PDSS2: variants seen among roughly 807,000 people sequenced by gnomAD.
PDSS2 encodes the protein decaprenyl diphosphate synthase subunit 2.
A neutral mutation model predicts 44.5 loss-of-function variants in PDSS2; 31 were observed. The ratio of observed to expected loss-of-function variants is 0.70; its 90% confidence interval spans 0.52 to 0.94. The LOEUF (loss-of-function observed/expected upper bound fraction) is 0.94. Ranked by LOEUF, PDSS2 falls within the 40% of genes least tolerant of loss-of-function variation. The pLI is 0.00. For missense variants in PDSS2, 452 were observed against 482.2 expected, an observed-to-expected ratio of 0.94 and a Z score of 0.59; for synonymous variants, 157 against 180.3, an observed-to-expected ratio of 0.87 and a Z score of 1.03.
intron 1 of PDSS2, among the ~76,000 whole-genome samples, chr6:107,359,636 A>G (rs923381523): frequency 6.6e-6 from 1 of 150,602 alleles, no homozygotes; most frequent in Non-Finnish European, 1.5e-5. Context: ...AAAAAAAAAA[A>G]AAAAGGGAGA....
At chr6:107,416,968 C>T (rs191119401) in intron 1 of PDSS2, among the ~76,000 whole-genome samples, 23 of 152,112 alleles carry the variant, frequency 1.5e-4, no homozygotes, top group African/African-American at 5.3e-4. Flanking sequence ...GTGACTCACA[C>T]CTGTATTCCT....
chr6:107,262,264 C>T (rs1775266718), intron 3 of PDSS2, among the ~76,000 whole-genome samples: 1 of 152,056 alleles, frequency 6.6e-6, no homozygotes, highest in South Asian at 2.1e-4. Context: ...GTTCACAACT[C>T]GGTTAATTTC....
chr6:107,212,653 A>C (rs1773260857), intron 4 of PDSS2, among the ~76,000 whole-genome samples: 1 of 152,142 alleles, frequency 6.6e-6, no homozygotes, highest in Admixed American at 6.5e-5. Flanking sequence ...ATTGCATTTA[A>C]TTTATGTGAA....
chr6:107,235,408 A>G (rs1774191713), intron 4 of PDSS2, among the ~76,000 whole-genome samples: 1 of 152,216 alleles, frequency 6.6e-6, no homozygotes, highest in Admixed American at 6.5e-5. Flanking sequence ...AAGTCAGAGT[A>G]AAAAATTTCA....
chr6:107,203,781 A>C (rs1772872816), intron 6 of PDSS2, among the ~76,000 whole-genome samples: 1 of 152,134 alleles, frequency 6.6e-6, no homozygotes, highest in African/African-American at 2.4e-5. Context: ...TTACCCCAGA[A>C]GGAGACCTGT....
At chr6:107,316,026 AAC>A (rs1351716833) in intron 2 of PDSS2, among the ~76,000 whole-genome samples, 2 of 152,250 alleles carry the variant, frequency 1.3e-5, no homozygotes, top group Non-Finnish European at 2.9e-5. Flanking sequence ...AAAGTTCTAG[AAC>A]AGTTTGGATC....
intron 6 of PDSS2, among the ~76,000 whole-genome samples, chr6:107,209,969 CTT>C (rs1224474258): frequency 7.8e-4 from 119 of 152,096 alleles, no homozygotes; most frequent in African/African-American, 2.6e-3. Context: ...CTTCGCCATG[CTT>C]TTTTCCCCCC....
At chr6:107,211,546 A>G (rs543116134) in intron 5 of PDSS2, among the ~76,000 whole-genome samples, 2 of 152,094 alleles carry the variant, frequency 1.3e-5, no homozygotes, top group Admixed American at 1.3e-4. Flanking sequence ...CCTGACCAAC[A>G]TGGTGAAACC....
chr6:107,323,822 A>T (rs902917555), intron 2 of PDSS2, among the ~76,000 whole-genome samples: 8 of 152,182 alleles, frequency 5.3e-5, no homozygotes, highest in African/African-American at 1.7e-4. Context: ...CTTTAAGGAA[A>T]GGATTTTAAA....
intron 4 of PDSS2, among the ~76,000 whole-genome samples, chr6:107,227,616 A>G (rs1773879501): frequency 6.6e-6 from 1 of 152,154 alleles, no homozygotes; most frequent in Admixed American, 6.5e-5. Context: ...AGTGCTCCAA[A>G]GAGAAATTCC....
intron 1 of PDSS2, among the ~76,000 whole-genome samples, chr6:107,416,206 C>CA (rs764693234): frequency 3.3e-5 from 5 of 151,974 alleles, no homozygotes; most frequent in Non-Finnish European, 4.4e-5. Context: ...GTGTCTAATC[C>CA]TTTTTTTCAA....
At chr6:107,346,148 A>G (rs1778240204) in intron 1 of PDSS2, among the ~76,000 whole-genome samples, 1 of 152,252 alleles carries the variant, frequency 6.6e-6, no homozygotes, top group South Asian at 2.1e-4. Flanking sequence ...ATTGAATAGA[A>G]TGGCACCTAG....
chr6:107,335,541 T>C (rs1166847034), intron 1 of PDSS2, among the ~76,000 whole-genome samples: 1 of 150,138 alleles, frequency 6.7e-6, no homozygotes, highest in Non-Finnish European at 1.5e-5. Flanking sequence ...TTACAAACAT[T>C]ATAATTCTAG....
At chr6:107,418,847 T>C (rs968836008) in intron 1 of PDSS2, among the ~76,000 whole-genome samples, 4 of 152,200 alleles carry the variant, frequency 2.6e-5, no homozygotes, top group African/African-American at 7.2e-5. Flanking sequence ...TGATCATTTG[T>C]TACAGCAGCA....
chr6:107,160,090 C>T (rs1219943313), intron 7 of PDSS2, among the ~76,000 whole-genome samples: 2 of 152,082 alleles, frequency 1.3e-5, no homozygotes, highest in Non-Finnish European at 1.5e-5. Context: ...GTGCCGTGCA[C>T]CTGTAGTCCC....
At chr6:107,322,131 G>A (rs2115176160) in intron 2 of PDSS2, among the ~76,000 whole-genome samples, 1 of 152,286 alleles carries the variant, frequency 6.6e-6, no homozygotes, top group Middle Eastern at 3.4e-3. Flanking sequence ...CCACTCTAGG[G>A]CTGTTAGGAA....
chr6:107,456,532 T>C (rs1396239482), intron 1 of PDSS2, among the ~76,000 whole-genome samples: 1 of 152,184 alleles, frequency 6.6e-6, no homozygotes, highest in Non-Finnish European at 1.5e-5. Context: ...CATTATTATT[T>C]AGAAAAATAA....
chr6:107,394,491 C>G (rs1468323131), intron 1 of PDSS2, among the ~76,000 whole-genome samples: 1 of 152,068 alleles, frequency 6.6e-6, no homozygotes, highest in African/African-American at 2.4e-5. Flanking sequence ...CATAAGAACT[C>G]ACTACCATGA....
intron 3 of PDSS2, among the ~76,000 whole-genome samples, chr6:107,260,196 G>T (rs1206162949): frequency 6.6e-6 from 1 of 152,186 alleles, no homozygotes; most frequent in Non-Finnish European, 1.5e-5. Flanking sequence ...TGGGCTAATG[G>T]CCTTCAGCTT....
Sources: gnomAD v4.1 joint callset for allele counts (sites outside exome capture counted in the v4.1 genomes callset) on GRCh38, gnomAD v4.1.1 for gene constraint, MANE v1.5 for transcripts, NCBI Gene and HGNC (gene_info 2026-07-23, HGNC 2026-07-21) for gene names.